SSH2: variants seen among roughly 807,000 people sequenced by gnomAD.
SSH2 encodes the protein slingshot protein phosphatase 2.
A neutral mutation model predicts 135.2 loss-of-function variants in SSH2; 37 were observed. That is an observed-to-expected ratio of 0.27 (90% CI 0.21 to 0.36). The LOEUF (loss-of-function observed/expected upper bound fraction) is 0.36, where lower values mean the gene tolerates loss of function less well. Among genes scored for constraint, SSH2 ranks in the 10% least tolerant of loss-of-function variants. The pLI is 1.00. For missense variants in SSH2, 1,408 were observed against 1,765.3 expected, an observed-to-expected ratio of 0.80 and a Z score of 3.63; for synonymous variants, 628 against 646.2, an observed-to-expected ratio of 0.97 and a Z score of 0.43.
At chr17:29,829,611 G>A (rs1374260829) in intron 2 of SSH2, among the ~76,000 whole-genome samples, 2 of 152,056 alleles carry the variant, frequency 1.3e-5, no homozygotes, top group African/African-American at 4.8e-5. Flanking sequence ...TCCATTTATT[G>A]TGTATACGTT....
intron 1 of SSH2, among the ~76,000 whole-genome samples, chr17:29,894,564 ATTATTTTTATTATGGTATTG>A (rs2066407950): frequency 6.6e-6 from 1 of 152,024 alleles, no homozygotes; most frequent in African/African-American, 2.4e-5. Flanking sequence ...TTTAATTTGT[ATTATTTTTATTATGGTATTG>A]TTATTTTTAT....
At chr17:29,890,064 T>A (rs2151442830) in intron 1 of SSH2, among the ~76,000 whole-genome samples, 1 of 152,328 alleles carries the variant, frequency 6.6e-6, no homozygotes, top group Admixed American at 6.5e-5. Flanking sequence ...CATGAAAAGA[T>A]GTTCAACATC....
At chr17:29,749,041 T>C (rs546963623) in intron 3 of SSH2, among the ~76,000 whole-genome samples, 3 of 152,156 alleles carry the variant, frequency 2.0e-5, no homozygotes, top group Non-Finnish European at 4.4e-5. Flanking sequence ...TCCGTAGATA[T>C]AAAAAAGCAG....
At chr17:29,907,889 T>C (rs1179137677) in intron 1 of SSH2, among the ~76,000 whole-genome samples, 1 of 150,434 alleles carries the variant, frequency 6.6e-6, no homozygotes, top group Admixed American at 6.7e-5. Context: ...GGTGTGATCA[T>C]GGCTCACTGC....
intron 1 of SSH2, among the ~76,000 whole-genome samples, chr17:29,866,670 A>G (rs1304231835): frequency 6.6e-6 from 1 of 152,210 alleles, no homozygotes; most frequent in East Asian, 1.9e-4. Flanking sequence ...TTATGTGTCT[A>G]GTTGCTAATT....
intron 3 of SSH2, chr17:29,716,565 T>A: frequency 1.4e-6 from 1 of 718,340 alleles, no homozygotes; most frequent in Non-Finnish European, 2.6e-6. Context: ...ATTCCCTTGA[T>A]GTCTACATTA....
chr17:29,790,969 T>A (rs544902477), intron 3 of SSH2, among the ~76,000 whole-genome samples: 2 of 152,292 alleles, frequency 1.3e-5, no homozygotes, highest in East Asian at 3.9e-4. Flanking sequence ...CCTCAGGTGA[T>A]CCACCCACAT....
At chr17:29,660,882 C>T (rs1014381501) in intron 11 of SSH2, among the ~76,000 whole-genome samples, 6 of 151,634 alleles carry the variant, frequency 4.0e-5, no homozygotes, top group Non-Finnish European at 8.8e-5. Context: ...CATGGTGAAA[C>T]TCCAACTTTA....
At chr17:29,890,616 G>C (rs765835480) in intron 1 of SSH2, among the ~76,000 whole-genome samples, 7 of 152,142 alleles carry the variant, frequency 4.6e-5, no homozygotes, top group African/African-American at 7.2e-5. Flanking sequence ...GTTTGCTTAG[G>C]ATGAGGTGAG....
chr17:29,729,759 T>C (rs539781084), intron 3 of SSH2, among the ~76,000 whole-genome samples: 11 of 152,316 alleles, frequency 7.2e-5, no homozygotes, highest in African/African-American at 2.6e-4. Flanking sequence ...GAGGTCATTA[T>C]GTTAAGTGAA....
chr17:29,712,606 C>A (rs919082028), intron 3 of SSH2, among the ~76,000 whole-genome samples: 11 of 152,112 alleles, frequency 7.2e-5, no homozygotes, highest in African/African-American at 2.7e-4. Flanking sequence ...GAGTTCGAGA[C>A]CCGCCTGGCC....
At chr17:29,850,953 C>A (rs866097191) in intron 1 of SSH2, among the ~76,000 whole-genome samples, 2 of 152,078 alleles carry the variant, frequency 1.3e-5, no homozygotes, top group African/African-American at 4.8e-5. Context: ...CCACTGCACT[C>A]CAGCCTGGGC....
At chr17:29,757,834 C>A (rs2041179128) in intron 3 of SSH2, among the ~76,000 whole-genome samples, 1 of 151,130 alleles carries the variant, frequency 6.6e-6, no homozygotes, top group Non-Finnish European at 1.5e-5. Context: ...TGCAGTGAGC[C>A]GAGATCATGC....
chr17:29,652,792 G>C (rs909581313), intron 12 of SSH2, among the ~76,000 whole-genome samples: 1 of 152,020 alleles, frequency 6.6e-6, no homozygotes. Context: ...CGAGTAGCTG[G>C]GATTACAGGT....
rs147600193 is a variant in SSH2, at chr17:29,664,201, G to A, written c.1032+2666C>T. 3.8e-3 allele frequency among the ~76,000 whole-genome samples: 577 copies of A among 152,094 alleles called. 5 individuals carry two copies. The highest frequency in any genetic ancestry group is 4.3e-3 in the Non-Finnish European group (293 of 67,970). On this transcript the variant is annotated intron_variant, in intron 11 of 15. Transcript: ENST00000540801. The stretch of plus-strand genomic sequence containing the variant: ...AGTCTGGCCGACATAATGAAATCCC[G>A]TCTCTACTAAAAACACAAAAAATTA...
At chr17:29,690,266 G>A (rs540523733) in intron 5 of SSH2, among the ~76,000 whole-genome samples, 3 of 151,372 alleles carry the variant, frequency 2.0e-5, no homozygotes, top group African/African-American at 4.9e-5. Flanking sequence ...TTAGCCAGGC[G>A]TGGTGGCGCA....
chr17:29,659,616 C>T (rs373581664), intron 11 of SSH2, among the ~76,000 whole-genome samples: 5 of 152,048 alleles, frequency 3.3e-5, no homozygotes, highest in East Asian at 3.9e-4. Flanking sequence ...CTCCACCTCC[C>T]GGGTTCATGC....
intron 12 of SSH2, among the ~76,000 whole-genome samples, chr17:29,652,677 AG>A (rs2036625782): frequency 6.6e-6 from 1 of 152,148 alleles, no homozygotes; most frequent in Non-Finnish European, 1.5e-5. Flanking sequence ...ATTTTCCCCA[AG>A]ATGGAGGCTT....
chr17:29,907,433 G>A (rs1332084312), intron 1 of SSH2, among the ~76,000 whole-genome samples: 1 of 152,184 alleles, frequency 6.6e-6, no homozygotes, highest in Non-Finnish European at 1.5e-5. Context: ...GGGATGATCT[G>A]TGTGGCAAAC....
Sources: allele counts gnomAD v4.1 joint callset (sites outside exome capture counted in the v4.1 genomes callset), GRCh38; gene constraint gnomAD v4.1.1; transcripts MANE v1.5; gene names NCBI Gene and HGNC (gene_info 2026-07-23, HGNC 2026-07-21).